Variants in KLRG1 observed in about 807,000 individuals in gnomAD.
KLRG1 encodes killer cell lectin like receptor G1.
Under a neutral mutation model 21.8 loss-of-function variants are expected in KLRG1, and 16 were observed. The ratio of observed to expected loss-of-function variants is 0.73; its 90% CI spans 0.50 to 1.11. KLRG1 has a LOEUF of 1.11. Among genes scored for constraint, KLRG1 ranks in the 50% most tolerant of loss-of-function variants. The pLI is 0.00. For missense variants in KLRG1, 173 were observed against 218.3 expected (o/e 0.79, Z 1.31); for synonymous variants, 69 against 75.9 (o/e 0.91, Z 0.47).
chr12:9,101,716 C>T, the KLRG1 span: 1 of 1,443,288 alleles, frequency 6.9e-7, no homozygotes, highest in Non-Finnish European at 9.5e-7. Flanking sequence ...GATTATACGT[C>T]ATAAAGATTA....
At chr12:9,102,914 A>G in the KLRG1 span, among the ~76,000 whole-genome samples, 1 of 152,178 alleles carries the variant, frequency 6.6e-6, no homozygotes, top group African/African-American at 2.4e-5. Context: ...TTTCTCTATA[A>G]CAAGGTAAAA....
At chr12:8,989,204 G>T (rs1427394929), upstream of KLRG1, among the ~76,000 whole-genome samples, 1 of 152,138 alleles carries the variant, frequency 6.6e-6, no homozygotes, top group Admixed American at 6.6e-5. Flanking sequence ...CTGCCCAAAA[G>T]TTCCAAGAAA....
chr12:9,205,847 G>C, the KLRG1 span, among the ~76,000 whole-genome samples: 13 of 152,248 alleles, frequency 8.5e-5, no homozygotes, highest in Middle Eastern at 3.4e-3. Context: ...GAGAATCCAA[G>C]GATAATTGAG....
chr12:8,982,883 T>C (rs1487286655), intron 1 of KLRG1, among the ~76,000 whole-genome samples: 1 of 152,056 alleles, frequency 6.6e-6, no homozygotes, highest in Non-Finnish European at 1.5e-5. Context: ...TGACCTCAGG[T>C]GATTTGCCCG....
At chr12:9,204,792 TA>T in the KLRG1 span, among the ~76,000 whole-genome samples, 1 of 150,710 alleles carries the variant, frequency 6.6e-6, no homozygotes, top group African/African-American at 2.4e-5. Flanking sequence ...ATCTTTTCAA[TA>T]AAAAAAAACA....
chr12:8,953,698 G>T (rs796495347), intron 1 of KLRG1, among the ~76,000 whole-genome samples: 2 of 152,046 alleles, frequency 1.3e-5, no homozygotes, highest in South Asian at 2.1e-4. Flanking sequence ...ATCAATCAGG[G>T]TCCATTCAGA....
intron 1 of KLRG1, among the ~76,000 whole-genome samples, chr12:8,983,487 G>T (rs1946792237): frequency 6.8e-6 from 1 of 147,406 alleles, no homozygotes; most frequent in South Asian, 2.1e-4. Flanking sequence ...TGCAACCTCG[G>T]CCTCCTGGGT....
the KLRG1 span, among the ~76,000 whole-genome samples, chr12:9,062,845 T>C: frequency 1.3e-5 from 2 of 151,088 alleles, no homozygotes; most frequent in Non-Finnish European, 2.9e-5. Flanking sequence ...ATATATCAGA[T>C]ATATTATACA....
At chr12:9,113,667 G>T in the KLRG1 span, 1 of 999,224 alleles carries the variant, frequency 1.0e-6, no homozygotes, top group Non-Finnish European at 1.5e-6. Flanking sequence ...GTACTGATGA[G>T]CATGAAATTT....
the KLRG1 span, chr12:9,151,778 G>T: frequency 2.4e-6 from 2 of 848,328 alleles, no homozygotes; most frequent in Admixed American, 2.4e-5. Flanking sequence ...TCTCTGAAGA[G>T]AAGAAAGCTA....
upstream of KLRG1, among the ~76,000 whole-genome samples, chr12:8,986,806 C>T (rs957486511): frequency 7.9e-5 from 12 of 152,030 alleles, no homozygotes; most frequent in Non-Finnish European, 1.0e-4. Context: ...TTGGATCACG[C>T]GGATGGTTTT....
the KLRG1 span, among the ~76,000 whole-genome samples, chr12:9,053,207 CG>C: frequency 0.31 from 47,530 of 151,826 alleles, 7,923 homozygotes; most frequent in Admixed American, 0.36. Context: ...GTGCCTGCGA[CG>C]GGGTGTCCTG....
intron 1 of KLRG1, among the ~76,000 whole-genome samples, chr12:8,978,809 G>T (rs1946707418): frequency 1.3e-5 from 2 of 151,372 alleles, no homozygotes; most frequent in Non-Finnish European, 2.9e-5. Flanking sequence ...CTGCCTCCTG[G>T]GCTCAAATGA....
the KLRG1 span, among the ~76,000 whole-genome samples, chr12:9,151,307 C>T: frequency 6.6e-6 from 1 of 152,072 alleles, no homozygotes; most frequent in Non-Finnish European, 1.5e-5. Flanking sequence ...TTATTCATAT[C>T]GTCAGGGAGT....
At chr12:9,077,663 A>G in the KLRG1 span, 1 of 1,607,978 alleles carries the variant, frequency 6.2e-7, no homozygotes, top group Non-Finnish European at 8.5e-7. Context: ...TGCAGATATC[A>G]TAATGGACAA....
At chr12:9,080,101 T>C in the KLRG1 span, 4 of 1,584,484 alleles carry the variant, frequency 2.5e-6, no homozygotes, top group African/African-American at 2.7e-5. Context: ...CACCCAAAAC[T>C]GAGACAGAAG....
chr12:8,963,276 A>AT (rs1303717855), intron 1 of KLRG1, among the ~76,000 whole-genome samples: 2 of 152,152 alleles, frequency 1.3e-5, no homozygotes, highest in Non-Finnish European at 2.9e-5. Flanking sequence ...TATTAAAGGA[A>AT]TTTTTTCTGC....
At chr12:9,132,547 C>T in the KLRG1 span, among the ~76,000 whole-genome samples, 1 of 152,144 alleles carries the variant, frequency 6.6e-6, no homozygotes, top group Non-Finnish European at 1.5e-5. Flanking sequence ...CATGATTACT[C>T]TGGCATGAAT....
chr12:9,115,614 T>C, the KLRG1 span: 1 of 629,370 alleles, frequency 1.6e-6, no homozygotes, highest in Non-Finnish European at 2.8e-6. Context: ...AAGCAAGTAA[T>C]GAGTAAACTA....
Sources: gnomAD v4.1 joint callset for allele counts (sites outside exome capture counted in the v4.1 genomes callset) on GRCh38, gnomAD v4.1.1 for gene constraint, MANE v1.5 for transcripts, NCBI Gene and HGNC (gene_info 2026-07-23, HGNC 2026-07-21) for gene names.